Variants in COBLL1 observed in about 807,000 individuals in gnomAD.
The protein encoded by COBLL1 is cordon-bleu WH2 repeat protein like 1.
Under a neutral mutation model 94.8 loss-of-function variants are expected in COBLL1, and 50 were observed. The observed-to-expected ratio is 0.53, with a 90% confidence interval of 0.42 to 0.67. The LOEUF is 0.67. COBLL1 is among the 30% of genes least tolerant of loss of function. COBLL1 has a pLI of 0.00. For synonymous variants in COBLL1, 448 were observed against 473.8 expected (o/e 0.95, Z 0.71); for missense variants, 1,362 against 1,348.7 (o/e 1.01, Z -0.15).
chr2:164,703,257 G>C (rs1684411280), intron 9 of COBLL1: 1 of 1,413,636 alleles, frequency 7.1e-7, no homozygotes, highest in African/African-American at 1.4e-5. Flanking sequence ...ATGGCACTTA[G>C]ACAACAGAGT....
chr2:164,812,134 C>A (rs1269846271), intron 2 of COBLL1, among the ~76,000 whole-genome samples: 1 of 151,916 alleles, frequency 6.6e-6, no homozygotes, highest in Non-Finnish European at 1.5e-5. Context: ...CTATTTTCAT[C>A]AACATCTAGA....
At position 164,720,703 on chromosome 2, in the gene COBLL1, T is replaced by C. The variant is rs149585556; in HGVS notation, c.996+1372A>G. On this transcript the variant is annotated intron_variant, in intron 7 of 13. Coordinates refer to ENST00000652658, the MANE Select transcript of COBLL1 (RefSeq NM_001365672.2). ...CATGCTTAATTTCAGTCTCTGTTTC[T>C]TGCTCATGTCCAGGCAAGCCATCGT... is the stretch of plus-strand genomic sequence containing the variant. Among the ~76,000 whole-genome samples the C allele has an allele frequency of 4.1e-3, 630 of 152,298 alleles. 1 individual carries two copies. The highest frequency in any genetic ancestry group is 0.014 in the African/African-American group (575 of 41,564).
At chr2:164,743,467 G>C (rs1285233450) in intron 3 of COBLL1, 2 of 421,392 alleles carry the variant, frequency 4.7e-6, no homozygotes, top group Non-Finnish European at 8.4e-6. Flanking sequence ...CAAATTTCAA[G>C]AGTCATTTAA....
chr2:164,708,240 A>G (rs887438442), intron 7 of COBLL1, among the ~76,000 whole-genome samples: 1 of 152,170 alleles, frequency 6.6e-6, no homozygotes, highest in Non-Finnish European at 1.5e-5. Context: ...AAAATTCTTC[A>G]GATTTCTCTA....
At chr2:164,732,392 C>T (rs1686065626) in intron 3 of COBLL1, among the ~76,000 whole-genome samples, 1 of 152,052 alleles carries the variant, frequency 6.6e-6, no homozygotes, top group Non-Finnish European at 1.5e-5. Flanking sequence ...GCAAAATGGT[C>T]TTGTGGAAGT....
At chr2:164,710,551 C>G (rs1325588717) in intron 7 of COBLL1, among the ~76,000 whole-genome samples, 3 of 147,740 alleles carry the variant, frequency 2.0e-5, no homozygotes, top group African/African-American at 7.7e-5. Flanking sequence ...CCACTGATCC[C>G]TAAGCAGCAG....
intron 2 of COBLL1, among the ~76,000 whole-genome samples, chr2:164,765,048 C>T (rs1198658557): frequency 1.3e-5 from 2 of 151,918 alleles, no homozygotes; most frequent in Non-Finnish European, 2.9e-5. Flanking sequence ...GCTCAAAAAA[C>T]AGTATTAAGC....
chr2:164,709,793 C>T (rs928056612), intron 7 of COBLL1, among the ~76,000 whole-genome samples: 1 of 152,078 alleles, frequency 6.6e-6, no homozygotes, highest in Non-Finnish European at 1.5e-5. Context: ...ATTGATACGA[C>T]GTACAATTAT....
chr2:164,672,748 C>T (rs980830721), intron 1 of COBLL1, among the ~76,000 whole-genome samples: 2 of 147,154 alleles, frequency 1.4e-5, no homozygotes, highest in Admixed American at 1.3e-4. Context: ...TAAAAAATGT[C>T]ACTATGAAAT....
Position 164,670,333 on chromosome 2 carries a change from A to G in COBLL1, n.127-4432T>C, listed in dbSNP as rs536744562. Among the ~76,000 whole-genome samples, 124 of 152,356 alleles carry G rather than the reference A, an allele frequency of 8.1e-4. 1 individual carries two copies. The highest frequency in any genetic ancestry group is 1.5e-3 in the Non-Finnish European group (104 of 68,032). ...TCAGTGGTTGTTTCTGGATCATAAA[A>G]TTAGGAGTGATGTTTTAATTATCTC... On this transcript the variant is annotated intron_variant and non_coding_transcript_variant, in intron 1 of 2. Transcript: ENST00000495084.
intron 10 of COBLL1, among the ~76,000 whole-genome samples, chr2:164,700,132 A>G (rs1684172775): frequency 6.6e-6 from 1 of 152,154 alleles, no homozygotes; most frequent in Non-Finnish European, 1.5e-5. Context: ...TTAACATCAT[A>G]TTCTAATATG....
At chr2:164,745,655 G>A (rs2105568311) in intron 2 of COBLL1, among the ~76,000 whole-genome samples, 1 of 152,260 alleles carries the variant, frequency 6.6e-6, no homozygotes, top group East Asian at 1.9e-4. Context: ...GCAGCTGCGG[G>A]TCACAGGAAG....
intron 7 of COBLL1, among the ~76,000 whole-genome samples, chr2:164,706,831 T>A (rs918766859): frequency 5.9e-5 from 9 of 152,190 alleles, no homozygotes; most frequent in African/African-American, 2.2e-4. Context: ...GCAAAAAGAA[T>A]CTGCTATCTT....
At chr2:164,713,256 T>A (rs1684994195) in intron 7 of COBLL1, among the ~76,000 whole-genome samples, 1 of 152,066 alleles carries the variant, frequency 6.6e-6, no homozygotes, top group Admixed American at 6.6e-5. Context: ...TTAAGAAAAG[T>A]CATATAACAT....
intron 2 of COBLL1, among the ~76,000 whole-genome samples, chr2:164,834,432 G>C (rs894067152): frequency 6.6e-6 from 1 of 152,134 alleles, no homozygotes; most frequent in African/African-American, 2.4e-5. Context: ...CTTGAAAAAG[G>C]AATCAATCAC....
At chr2:164,817,410 T>G (rs1574642594) in intron 2 of COBLL1, among the ~76,000 whole-genome samples, 2 of 127,736 alleles carry the variant, frequency 1.6e-5, no homozygotes, top group Non-Finnish European at 3.5e-5. Context: ...ACAACAGAGA[T>G]AAAAATACTG....
At chr2:164,715,045 G>T (rs1285450027) in intron 7 of COBLL1, among the ~76,000 whole-genome samples, 2 of 152,030 alleles carry the variant, frequency 1.3e-5, no homozygotes, top group African/African-American at 2.4e-5. Context: ...TGGCCCAGAG[G>T]GTTGTCATAA....
At chr2:164,823,051 G>A (rs940493221) in intron 2 of COBLL1, among the ~76,000 whole-genome samples, 4 of 151,980 alleles carry the variant, frequency 2.6e-5, no homozygotes, top group African/African-American at 9.7e-5. Flanking sequence ...CAAAAAAAAA[G>A]TATTTGAAAT....
intron 13 of COBLL1, among the ~76,000 whole-genome samples, chr2:164,689,926 T>A (rs915888239): frequency 2.0e-5 from 3 of 152,176 alleles, no homozygotes; most frequent in African/African-American, 7.2e-5. Context: ...TATGCATGCA[T>A]CACTAAATAA....
Sources: gnomAD v4.1 joint callset for allele counts (sites outside exome capture counted in the v4.1 genomes callset) on GRCh38, gnomAD v4.1.1 for gene constraint, MANE v1.5 for transcripts, NCBI Gene and HGNC (gene_info 2026-07-23, HGNC 2026-07-21) for gene names.